KRR1: variants seen among roughly 807,000 people sequenced by gnomAD.
KRR1 encodes the protein KRR1 small subunit processome component homolog.
Under a neutral mutation model 50.0 loss-of-function variants are expected in KRR1, and 23 were observed. The observed-to-expected ratio is 0.46, with a 90% CI of 0.33 to 0.65. KRR1 has a LOEUF of 0.65. Ranked by LOEUF, KRR1 falls within the 30% of genes least tolerant of loss-of-function variation. The pLI is 0.02. For missense variants in KRR1, 419 were observed against 442.4 expected, an observed-to-expected ratio of 0.95 and a Z score of 0.47; for synonymous variants, 133 against 146.3, an observed-to-expected ratio of 0.91 and a Z score of 0.66.
At chr12:75,509,562 A>T (rs1331634694) in intron 1 of KRR1, among the ~76,000 whole-genome samples, 3 of 149,812 alleles carry the variant, frequency 2.0e-5, no homozygotes, top group Non-Finnish European at 4.5e-5. Flanking sequence ...CACAAAAGTG[A>T]TTACTTATAT....
At position 75,493,255 on chromosome 12, in the gene KRR1, G is replaced by A. The variant is rs2046333316; in HGVS notation, c.*6554C>T. On this transcript the variant is annotated 3_prime_UTR_variant, in exon 10 of 10. Coordinates refer to ENST00000229214, the MANE Select transcript of KRR1 (RefSeq NM_007043.7). ...AAAATGGATTAGAGGAGCATAAAAG[G>A]TAAAACAGAGAGACCAGTTAGGAAT... The A allele has an allele frequency of 6.6e-6, 1 of 152,188 alleles. No homozygotes were observed. The highest frequency in any genetic ancestry group is 1.5e-5 in the Non-Finnish European group (1 of 68,036). The allele number at this position is 152,188 out of a possible 1,614,324, so 9.4% of individuals were successfully genotyped here.
In KRR1 at chr12:75,498,048, G is replaced by A. The variant is rs2046362535; in HGVS notation, c.*1761C>T. 1 of 152,278 alleles carries A rather than the reference G, an allele frequency of 6.6e-6. No homozygotes were observed. 9.4% of individuals were successfully genotyped at this position (152,278 alleles called of 1,614,324 possible). On this transcript the variant is annotated 3_prime_UTR_variant, in exon 10 of 10. Transcript: ENST00000229214. ...CCAGTACCCAGAGGACCAGATGATT[G>A]ATGGGTTCTACCACGAGCATCTAAT...
Position 75,493,579 on chromosome 12 carries a change from A to C in KRR1, c.*6230T>G, listed in dbSNP as rs989348909. 2.0e-5 allele frequency: 3 copies of C among 152,188 alleles called. No homozygotes were observed. The highest frequency in any genetic ancestry group is 7.2e-5 in the African/African-American group (3 of 41,432). 9.4% of individuals were successfully genotyped at this position (152,188 alleles called of 1,614,324 possible). ...TAACTTTGACCACAAGATAGTCAAG[A>C]TAGTACCAGTGTGCTTAGGCCGTCA... On this transcript the variant is annotated 3_prime_UTR_variant, in exon 10 of 10. Transcript: ENST00000229214.
rs746421178 is a variant in KRR1 at position 75,506,557 on chromosome 12, G to C, written c.446C>G (p.Ser149Cys). The change falls in exon 4 of 10, where the codon TCT (serine) becomes TGT (cysteine). Residue 149 changes from serine (S) to cysteine (C), a missense_variant. Ser to Cys is a moderately radical substitution (Grantham distance 112). Transcript: ENST00000229214. ...DVACDIIKIG[S>C]LVRNKERFVK... The stretch of plus-strand genomic sequence containing the variant: ...AAATCTCTCTTTATTCCTTACTAAA[G>C]AACCTATTTTAATGATGTCACATGC... 3.9e-6 allele frequency: 6 copies of C among 1,525,572 alleles called. No individual in the cohort carries two copies. Among genetic ancestry groups the C allele is most frequent in the Non-Finnish European group, 5.3e-6 (6 of 1,132,018 alleles). 94.5% of individuals were successfully genotyped at this position (1,525,572 alleles called of 1,614,324 possible). A position where few individuals can be genotyped will look rare whatever the true frequency, so the allele number is the denominator to read the frequency against.
rs371478640 is a variant in KRR1 at position 75,506,616 on chromosome 12, C to A, written c.394-7G>T. On this transcript the variant is annotated splice_region_variant and splice_polypyrimidine_tract_variant and intron_variant, in intron 3 of 9. Transcript: ENST00000229214. ...CCTGAAGAATTCGTACTGCCTTTTG[C>A]AAAAAAAAAAAAAAAAAGAAGACAT... 4.0e-3 allele frequency: 5,453 copies of A among 1,371,112 alleles called. No homozygotes were observed. Among genetic ancestry groups the A allele is most frequent in the Admixed American group, 0.015 (513 of 33,538 alleles). The allele number at this position is 1,371,112 out of a possible 1,614,324, so 84.9% of individuals were successfully genotyped here.
chr12:75,499,687 A>G lies in KRR1; in HGVS notation c.*122T>C. Reference sequence around the variant, plus strand: ...TATAAAGAACACTCTTCTATGAACAACCACCACCACCAAAAAAAAAAAAAG... The same window carrying G: ...TATAAAGAACACTCTTCTATGAACAGCCACCACCACCAAAAAAAAAAAAAG... On this transcript the variant is annotated 3_prime_UTR_variant, in exon 10 of 10. Transcript: ENST00000229214. The G allele has an allele frequency of 1.8e-6, 1 of 559,308 alleles. No homozygotes were observed. The highest frequency in any genetic ancestry group is 2.9e-6 in the Non-Finnish European group (1 of 339,336). 34.6% of individuals were successfully genotyped at this position (559,308 alleles called of 1,614,324 possible).
chr12:75,506,616 CAAAAA>C lies in KRR1; in HGVS notation c.394-12_394-8del, dbSNP rs35071517. ...CCTGAAGAATTCGTACTGCCTTTTGCAAAAAAAAAAAAAAAAAGAAGACATTATCA... is the reference window on the plus strand; with the variant it reads ...CCTGAAGAATTCGTACTGCCTTTTGCAAAAAAAAAAAAGAAGACATTATCA... On this transcript the variant is annotated splice_polypyrimidine_tract_variant and splice_region_variant and intron_variant, in intron 3 of 9. Coordinates refer to ENST00000229214, the MANE Select transcript of KRR1 (RefSeq NM_007043.7). 3.5e-4 allele frequency: 481 copies of C among 1,371,150 alleles called. No individual in the cohort carries two copies. Among genetic ancestry groups the C allele is most frequent in the South Asian group, 1.1e-3 (68 of 64,658 alleles). The allele number at this position is 1,371,150 out of a possible 1,614,324, so 84.9% of individuals were successfully genotyped here.
Position 75,495,268 on chromosome 12 carries a change from A to G in KRR1, c.*4541T>C, listed in dbSNP as rs2046343617. The stretch of plus-strand genomic sequence containing the variant: ...GGTTTCCTCTGACTCTGAAGTGTAT[A>G]AATTGTGATTAAAGGTATCTCTTAC... On this transcript the variant is annotated 3_prime_UTR_variant, in exon 10 of 10. Transcript: ENST00000229214. 1 of 225,240 alleles carries G rather than the reference A, an allele frequency of 4.4e-6. No individual in the cohort carries two copies. Among genetic ancestry groups the G allele is most frequent in the East Asian group, 9.6e-5 (1 of 10,406 alleles). The allele number at this position is 225,240 out of a possible 1,614,324, so 14.0% of individuals were successfully genotyped here. A position where few individuals can be genotyped will look rare whatever the true frequency, so the allele number is the denominator to read the frequency against.
At chr12:75,509,169 C>T (rs150648586) in intron 1 of KRR1, among the ~76,000 whole-genome samples, 103 of 152,234 alleles carry the variant, frequency 6.8e-4, no homozygotes, top group African/African-American at 2.0e-3. Flanking sequence ...ATTTAAAAAA[C>T]TCTTGATCTT....
At chr12:75,507,270 C>G (rs906870280) in intron 2 of KRR1, among the ~76,000 whole-genome samples, 8 of 152,120 alleles carry the variant, frequency 5.3e-5, no homozygotes, top group African/African-American at 1.9e-4. Context: ...TATTCTGGAC[C>G]CAGCTCCAGT....
In KRR1 at chr12:75,494,636, T is replaced by C. The variant is rs2046339877; in HGVS notation, c.*5173A>G. 6.6e-6 allele frequency: 1 copy of C among 152,206 alleles called. No individual in the cohort carries two copies. The highest frequency in any genetic ancestry group is 1.5e-5 in the Non-Finnish European group (1 of 68,040). The allele number at this position is 152,206 out of a possible 1,614,324, so 9.4% of individuals were successfully genotyped here. Reference sequence around the variant, plus strand: ...ACAAACTATGTTGAGAAAGAGCCCATAGGCCTCACCAGACTGCCAAAGGGT... The same window carrying C: ...ACAAACTATGTTGAGAAAGAGCCCACAGGCCTCACCAGACTGCCAAAGGGT... On this transcript the variant is annotated 3_prime_UTR_variant, in exon 10 of 10. Transcript: ENST00000229214.
At position 75,501,647 on chromosome 12, in the gene KRR1, A is replaced by T. The variant is rs2046394718; in HGVS notation, c.1003+76T>A. 7.4e-6 allele frequency: 7 copies of T among 951,220 alleles called. No homozygotes were observed. The South Asian group carries it at 1.0e-4, about 14-fold the overall frequency. 58.9% of individuals were successfully genotyped at this position (951,220 alleles called of 1,614,324 possible). ...TGATGAAAAGATACAACTGTTTCTTAAAAAGATTCAGACAAATTTATTATG... is the reference window on the plus strand; with the variant it reads ...TGATGAAAAGATACAACTGTTTCTTTAAAAGATTCAGACAAATTTATTATG... On this transcript the variant is annotated intron_variant, in intron 9 of 9. Coordinates refer to ENST00000229214, the MANE Select transcript of KRR1 (RefSeq NM_007043.7).
At chr12:75,504,729 T>A (rs1386959724) in intron 6 of KRR1, among the ~76,000 whole-genome samples, 1 of 152,036 alleles carries the variant, frequency 6.6e-6, no homozygotes, top group African/African-American at 2.4e-5. Flanking sequence ...TAATCAAACT[T>A]TGTGCACACA....
At chr12:75,509,561 G>T (rs1339309737) in intron 1 of KRR1, among the ~76,000 whole-genome samples, 1 of 149,408 alleles carries the variant, frequency 6.7e-6, no homozygotes, top group Admixed American at 6.7e-5. Context: ...CCACAAAAGT[G>T]ATTACTTATA....
In KRR1 at chr12:75,499,691, C is replaced by A. The variant is rs1649732835; in HGVS notation, c.*118G>T. On this transcript the variant is annotated 3_prime_UTR_variant, in exon 10 of 10. Transcript: ENST00000229214. Reference sequence around the variant, plus strand: ...AAGAACACTCTTCTATGAACAACCACCACCACCAAAAAAAAAAAAAGCCCT... The same window carrying A: ...AAGAACACTCTTCTATGAACAACCAACACCACCAAAAAAAAAAAAAGCCCT... The A allele has an allele frequency of 1.7e-6, 1 of 589,382 alleles. No individual in the cohort carries two copies. Among genetic ancestry groups the A allele is most frequent in the East Asian group, 3.1e-5 (1 of 32,058 alleles). 36.5% of individuals were successfully genotyped at this position (589,382 alleles called of 1,614,324 possible).
chr12:75,508,181 TAAAAA>T, intron 2 of KRR1, 88 bp downstream of exon 2: 1 of 673,206 alleles, frequency 1.5e-6, no homozygotes, highest in Non-Finnish European at 2.2e-6. Flanking sequence ...TTAGCACCAT[TAAAAA>T]AAAAAAAAAA....
rs530409265 is a variant in KRR1, at chr12:75,499,500, T to TGTTATCATTAGAGA, written c.*295_*308dup. The TGTTATCATTAGAGA allele has an allele frequency of 1.2e-3, 213 of 176,230 alleles. No individual in the cohort carries two copies. The highest frequency in any genetic ancestry group is 9.9e-3 in the Middle Eastern group (4 of 404). 10.9% of individuals were successfully genotyped at this position (176,230 alleles called of 1,614,324 possible). ...AAAGGGATAAACCTAAATATTTACT[T>TGTTATCATTAGAGA]GTTATCATTAGAGAGGGAACATCAA... is the stretch of plus-strand genomic sequence containing the variant. On this transcript the variant is annotated 3_prime_UTR_variant, in exon 10 of 10. Coordinates refer to ENST00000229214, the MANE Select transcript of KRR1 (RefSeq NM_007043.7).
Position 75,494,872 on chromosome 12 carries a change from T to TA in KRR1, c.*4936dup. 1 of 152,340 alleles carries TA rather than the reference T, an allele frequency of 6.6e-6. No homozygotes were observed. The highest frequency in any genetic ancestry group is 1.9e-4 in the East Asian group (1 of 5,188). The allele number at this position is 152,340 out of a possible 1,614,324, so 9.4% of individuals were successfully genotyped here. ...TACTCTGTGACTCAGCCTCTAGCTA[T>TA]ATAATGGGTATAAATAGACAACAGT... On this transcript the variant is annotated 3_prime_UTR_variant, in exon 10 of 10. Coordinates refer to ENST00000229214, the MANE Select transcript of KRR1 (RefSeq NM_007043.7).
rs140872473 is a variant in KRR1, at chr12:75,498,866, G to C, written c.*943C>G. On this transcript the variant is annotated 3_prime_UTR_variant, in exon 10 of 10. Transcript: ENST00000229214. ...TATCCAGGCTGGCCCATATATCCAC[G>C]TAACAGATACACTTCTCTCTTTCTC... 5.6e-6 allele frequency: 9 copies of C among 1,610,902 alleles called. No individual in the cohort carries two copies. Among genetic ancestry groups the C allele is most frequent in the Non-Finnish European group, 2.5e-6 (3 of 1,177,660 alleles).
Sources: allele counts gnomAD v4.1 joint callset (sites outside exome capture counted in the v4.1 genomes callset), GRCh38; gene constraint gnomAD v4.1.1; transcripts MANE v1.5; gene names NCBI Gene and HGNC (gene_info 2026-07-23, HGNC 2026-07-21).